ICE1: variants seen among roughly 807,000 people sequenced by gnomAD.
The protein encoded by ICE1 is little elongation complex subunit 1.
ICE1 carries 64 observed loss-of-function variants against 192.7 expected under a neutral mutation model. That is an observed-to-expected ratio of 0.33 (90% CI 0.27 to 0.41). ICE1 has a LOEUF of 0.41. ICE1 is among the 10% of genes least tolerant of loss of function. ICE1 has a pLI of 1.00. For missense variants in ICE1, 2,708 were observed against 2,696.0 expected, an observed-to-expected ratio of 1.00 and a Z score of -0.10; for synonymous variants, 1,010 against 984.5, an observed-to-expected ratio of 1.03 and a Z score of -0.49.
chr5:5,473,796 A>T, intron 16 of ICE1, 48 bp downstream of exon 16: 1 of 1,353,488 alleles, frequency 7.4e-7, no homozygotes, highest in Non-Finnish European at 9.9e-7. Context: ...TGTAAGGTTG[A>T]ATTGTTGAAC....
intron 1 of ICE1, among the ~76,000 whole-genome samples, chr5:5,424,547 C>T (rs962163978): frequency 1.3e-5 from 2 of 152,148 alleles, no homozygotes; most frequent in Non-Finnish European, 2.9e-5. Context: ...AATTCTTGAT[C>T]TCTTGGAGCT....
chr5:5,445,265 G>A (rs757810347), intron 7 of ICE1, among the ~76,000 whole-genome samples: 9 of 151,990 alleles, frequency 5.9e-5, no homozygotes, highest in East Asian at 1.9e-4. Flanking sequence ...TAAATATTTC[G>A]GTAACAATTT....
chr5:5,440,090 T>G (rs1737994609), intron 4 of ICE1, among the ~76,000 whole-genome samples, 177 bp downstream of exon 4: 1 of 152,226 alleles, frequency 6.6e-6, no homozygotes, highest in Admixed American at 6.5e-5. Flanking sequence ...CTCCTACTAT[T>G]AAATTTTTCA....
At chr5:5,423,041 G>A (rs992740088) in intron 1 of ICE1, 42 bp downstream of exon 1, 35 of 1,290,552 alleles carry the variant, frequency 2.7e-5, no homozygotes, top group African/African-American at 7.7e-5. Flanking sequence ...GGGGGACTCG[G>A]CTCGGCCGGC....
chr5:5,478,109 T>C (rs1471102718), intron 17 of ICE1, among the ~76,000 whole-genome samples: 1 of 152,212 alleles, frequency 6.6e-6, no homozygotes, highest in Non-Finnish European at 1.5e-5. Context: ...AACATCGTAT[T>C]GGAAGTTCTG....
intron 10 of ICE1, among the ~76,000 whole-genome samples, chr5:5,452,927 GTGT>G (rs906264186): frequency 3.3e-5 from 5 of 152,082 alleles, no homozygotes; most frequent in South Asian, 2.1e-4. Context: ...CTTGAAGGAG[GTGT>G]TGTCTTCACA....
chr5:5,466,263 T>C, intron 13 of ICE1, 71 bp from the exon 14 acceptor site: 1 of 1,378,432 alleles, frequency 7.3e-7, no homozygotes, highest in Non-Finnish European at 9.7e-7. Flanking sequence ...TTTGTAACTT[T>C]TAGATAATCT....
At chr5:5,427,172 A>G (rs1345697812) in intron 1 of ICE1, among the ~76,000 whole-genome samples, 2 of 152,092 alleles carry the variant, frequency 1.3e-5, no homozygotes, top group Non-Finnish European at 2.9e-5. Context: ...GATTGACTAC[A>G]TTTTCTGTGT....
Position 5,462,181 on chromosome 5 carries a change from T to C in ICE1, c.2847T>C (p.Ser949=). Residue 949 remains serine, a synonymous_variant, in exon 13 of 19, where the codon TCT becomes TCC. Transcript: ENST00000296564. Reference sequence around the variant, plus strand: ...GTGGTTCTTCACCAGTAGAAAATTCTGATTGTTCCACAAATAGCAGATTAT... The same window carrying C: ...GTGGTTCTTCACCAGTAGAAAATTCCGATTGTTCCACAAATAGCAGATTAT... The part of the protein sequence containing the change: ...SPGGSSPVEN[S]DCSTNSRLSF... 1 of 1,612,700 alleles carries C rather than the reference T, an allele frequency of 6.2e-7. No individual in the cohort carries two copies. Among genetic ancestry groups the C allele is most frequent in the Non-Finnish European group, 8.5e-7 (1 of 1,179,100 alleles).
At chr5:5,487,910 T>G in intron 18 of ICE1, among the ~76,000 whole-genome samples, 1 of 152,160 alleles carries the variant, frequency 6.6e-6, no homozygotes, top group East Asian at 1.9e-4. Context: ...CCTTCTTGTA[T>G]ACAGGAGGAA....
chr5:5,458,646 G>C (rs1192897630), intron 12 of ICE1, among the ~76,000 whole-genome samples: 2 of 152,104 alleles, frequency 1.3e-5, no homozygotes, highest in Non-Finnish European at 2.9e-5. Flanking sequence ...CTCTGTGTGT[G>C]GTAGATTCAT....
intron 10 of ICE1, among the ~76,000 whole-genome samples, chr5:5,449,760 TA>T (rs1022732132): frequency 6.6e-6 from 1 of 152,318 alleles, no homozygotes; most frequent in Admixed American, 6.5e-5. Flanking sequence ...CCTTTGCTCA[TA>T]AACTGTGGCC....
chr5:5,432,086 A>G (rs150991210), intron 1 of ICE1, among the ~76,000 whole-genome samples: 4 of 152,224 alleles, frequency 2.6e-5, no homozygotes, highest in African/African-American at 7.2e-5. Flanking sequence ...ATTGTATACA[A>G]TTCAGTTCAA....
At position 5,465,190 on chromosome 5, in the gene ICE1, G is replaced by A; in HGVS notation, c.5856G>A (p.Glu1952=). The change falls in exon 13 of 19, where the codon GAG becomes GAA. Residue 1952 remains glutamate, a synonymous_variant. Coordinates refer to ENST00000296564, the MANE Select transcript of ICE1 (RefSeq NM_015325.3). ...ISKKPVMRDQ[E]KEVVYEFSTT... ...AAAAGCCCGTAATGAGAGATCAAGAGAAGGAAGTTGTTTATGAATTTAGCA... is the reference window on the plus strand; with the variant it reads ...AAAAGCCCGTAATGAGAGATCAAGAAAAGGAAGTTGTTTATGAATTTAGCA... 6.3e-7 allele frequency: 1 copy of A among 1,593,252 alleles called. No individual in the cohort carries two copies.
intron 17 of ICE1, among the ~76,000 whole-genome samples, chr5:5,481,585 G>C (rs1739504401): frequency 6.6e-6 from 1 of 152,178 alleles, no homozygotes; most frequent in Non-Finnish European, 1.5e-5. Context: ...TTCTGATAGT[G>C]TTAGAGTAGT....
chr5:5,428,066 A>G (rs1338754584), intron 1 of ICE1, among the ~76,000 whole-genome samples: 1 of 152,088 alleles, frequency 6.6e-6, no homozygotes, highest in Non-Finnish European at 1.5e-5. Flanking sequence ...AAGTTGTGCC[A>G]AGGCCTGGAG....
intron 15 of ICE1, 55 bp from the exon 16 acceptor site, chr5:5,473,503 A>T: frequency 7.0e-7 from 1 of 1,436,524 alleles, no homozygotes; most frequent in East Asian, 2.3e-5. Flanking sequence ...TAACTAAGGT[A>T]AGATGCATTC....
intron 11 of ICE1, among the ~76,000 whole-genome samples, chr5:5,455,286 T>C (rs1738551120): frequency 1.3e-5 from 2 of 152,356 alleles, no homozygotes; most frequent in Admixed American, 1.3e-4. Flanking sequence ...TTACTGATTC[T>C]TACTTATGGT....
intron 15 of ICE1, among the ~76,000 whole-genome samples, chr5:5,470,284 A>T (rs1290250785): frequency 2.0e-5 from 3 of 152,148 alleles, no homozygotes; most frequent in East Asian, 3.8e-4. Flanking sequence ...ACTTGCCTTC[A>T]GAGGGTTACC....
Sources: gnomAD v4.1 joint callset for allele counts (sites outside exome capture counted in the v4.1 genomes callset) on GRCh38, gnomAD v4.1.1 for gene constraint, MANE v1.5 for transcripts, NCBI Gene and HGNC (gene_info 2026-07-23, HGNC 2026-07-21) for gene names.